The following MRPS25 variants were observed in gnomAD, a reference collection of about 807,000 sequenced individuals.
The protein encoded by MRPS25 is small ribosomal subunit protein mS25.
A neutral mutation model predicts 17.3 loss-of-function variants in MRPS25; 15 were observed. That is an observed-to-expected ratio of 0.87 (90% CI 0.58 to 1.34). MRPS25 has a LOEUF of 1.34. Ranked by LOEUF, MRPS25 falls within the 40% of genes most tolerant of loss-of-function variation. The probability of loss-of-function intolerance (pLI) is 0.00; values close to 1 mark genes in which losing one functional copy is unlikely to be tolerated. For missense variants in MRPS25, 225 were observed against 218.6 expected (o/e 1.03, Z -0.19); for synonymous variants, 94 against 83.3 (o/e 1.13, Z -0.70).
chr3:15,064,950 G>C (rs537208093), intron 1 of MRPS25, 111 bp downstream of exon 1: 1 of 1,381,526 alleles, frequency 7.2e-7, no homozygotes, highest in Non-Finnish European at 9.7e-7. Flanking sequence ...GACCTGGGGG[G>C]CCCGCCCCGG....
At chr3:15,057,398 C>T (rs1055025971) in intron 2 of MRPS25, among the ~76,000 whole-genome samples, 18 of 152,204 alleles carry the variant, frequency 1.2e-4, no homozygotes, top group African/African-American at 4.3e-4. Context: ...AAAGGGTCAT[C>T]AACAGGTAAG....
rs1368175434 is a variant in MRPS25 at position 15,048,637 on chromosome 3, T to C, written c.*3804A>G. On this transcript the variant is annotated 3_prime_UTR_variant, in exon 4 of 4. Coordinates refer to ENST00000253686, the MANE Select transcript of MRPS25 (RefSeq NM_022497.5). ...TTCTTTAGGAAAGTATAATCAATTA[T>C]TTTAATGACCATAGCATTCATGGAC... is the stretch of plus-strand genomic sequence containing the variant. The C allele has an allele frequency of 6.5e-6, 1 of 152,682 alleles. No individual in the cohort carries two copies. 9.5% of individuals were successfully genotyped at this position (152,682 alleles called of 1,614,324 possible).
chr3:15,050,882 A>G lies in MRPS25; in HGVS notation c.*1559T>C, dbSNP rs565585314. On this transcript the variant is annotated 3_prime_UTR_variant, in exon 4 of 4. Transcript: ENST00000253686. ...TCAATTTAATGTGATAATCTCCAACAGTTAATGAAACACATCGTAGTATGA... is the reference window on the plus strand; with the variant it reads ...TCAATTTAATGTGATAATCTCCAACGGTTAATGAAACACATCGTAGTATGA... 1 of 985,410 alleles carries G rather than the reference A, an allele frequency of 1.0e-6. No individual in the cohort carries two copies. Among genetic ancestry groups the G allele is most frequent in the Non-Finnish European group, 1.2e-6 (1 of 829,940 alleles). 61.0% of individuals were successfully genotyped at this position (985,410 alleles called of 1,614,324 possible).
At chr3:15,047,756 G>A (rs1432615687), downstream of MRPS25, 1 of 152,204 alleles carries the variant, frequency 6.6e-6, no homozygotes, top group Non-Finnish European at 1.5e-5. Context: ...GGATGTTGAT[G>A]GCTAACTTCT....
rs770721326 is a variant in MRPS25, at chr3:15,053,507, C to CA, written c.242-41dup. On this transcript the variant is annotated intron_variant, in intron 2 of 3. Coordinates refer to ENST00000253686, the MANE Select transcript of MRPS25 (RefSeq NM_022497.5). ...CACGGGGCAGAAGAGAAACAGAACT[C>CA]ACAGCGCACTCAGCCTCAAAAAGTT... 8.1e-6 allele frequency: 13 copies of CA among 1,613,346 alleles called. No homozygotes were observed. In the East Asian group the frequency reaches 2.7e-4, roughly 33 times the overall value.
chr3:15,065,078 C>CA lies in MRPS25; in HGVS notation c.116_117insT (p.Glu39AspfsTer30). The CA allele has an allele frequency of 6.2e-7, 1 of 1,600,054 alleles. No homozygotes were observed. Among genetic ancestry groups the CA allele is most frequent in the Non-Finnish European group, 8.5e-7 (1 of 1,174,536 alleles). On this transcript the variant is annotated frameshift_variant, in exon 1 of 4. Coordinates refer to ENST00000253686, the MANE Select transcript of MRPS25 (RefSeq NM_022497.5). LOFTEE classifies it high-confidence loss of function. ...CGACTGACCTGGCGCCCTCGCCCAGCTCCCCATGCGTGTTGTAATTCACTG... is the reference window on the plus strand; with the variant it reads ...CGACTGACCTGGCGCCCTCGCCCAGCATCCCCATGCGTGTTGTAATTCACTG...
intron 1 of MRPS25, among the ~76,000 whole-genome samples, chr3:15,060,158 T>C (rs2042731787): frequency 6.6e-6 from 1 of 152,058 alleles, no homozygotes; most frequent in African/African-American, 2.4e-5. Flanking sequence ...GAAGTAACAA[T>C]GGTGGTGAGA....
chr3:15,052,701 A>T, intron 3 of MRPS25, 68 bp from the exon 4 acceptor site: 1 of 1,513,262 alleles, frequency 6.6e-7, no homozygotes, highest in East Asian at 2.3e-5. Context: ...GCAGTTTCTC[A>T]GCCGAGACAA....
intron 1 of MRPS25, among the ~76,000 whole-genome samples, chr3:15,063,292 A>T (rs1043192785): frequency 1.3e-5 from 2 of 152,216 alleles, no homozygotes; most frequent in African/African-American, 4.8e-5. Context: ...CCACTTGTTC[A>T]GGGTAGAACA....
At chr3:15,042,771 T>C, downstream of MRPS25, 1 of 1,514,762 alleles carries the variant, frequency 6.6e-7, no homozygotes, top group Non-Finnish European at 9.0e-7. Flanking sequence ...CCAGGAGCCT[T>C]TGCTGAGCTG....
At chr3:15,043,087 G>GT, downstream of MRPS25, 6 of 1,392,358 alleles carry the variant, frequency 4.3e-6, no homozygotes, top group Non-Finnish European at 5.8e-6. Context: ...TGGTATTTTG[G>GT]TATGTGCAAA....
Position 15,052,468 on chromosome 3 carries a change from G to C in MRPS25, c.495C>G (p.Ala165=), listed in dbSNP as rs138779362. 20 of 1,613,874 alleles carry C rather than the reference G, an allele frequency of 1.2e-5. No homozygotes were observed. In the Admixed American group the frequency reaches 1.3e-4, roughly 11 times the overall value. Residue 165 remains alanine (A), a synonymous_variant, in exon 4 of 4, where the codon GCC becomes GCG. Coordinates refer to ENST00000253686, the MANE Select transcript of MRPS25 (RefSeq NM_022497.5). ...AGTCCTGGGCATCGGCTTTCAGAGC[G>C]GCTTTGTACTTCCCCCTCATCTCCT... is the stretch of plus-strand genomic sequence containing the variant. ...LPKEMRGKYK[A]ALKADAQD is the part of the protein sequence containing the mutation.
At chr3:15,063,407 TG>T (rs1185101326) in intron 1 of MRPS25, among the ~76,000 whole-genome samples, 1 of 152,066 alleles carries the variant, frequency 6.6e-6, no homozygotes, top group Non-Finnish European at 1.5e-5. Context: ...CGCAGGCACT[TG>T]GGATGGAGGT....
intron 1 of MRPS25, among the ~76,000 whole-genome samples, chr3:15,062,413 C>T (rs1393800791): frequency 3.3e-5 from 3 of 91,772 alleles, no homozygotes; most frequent in Admixed American, 2.9e-4. Context: ...CAGCCCCCCG[C>T]CCGGCCAGCC....
chr3:15,050,632 TGGA>T lies in MRPS25; in HGVS notation c.*1806_*1808del. 1.0e-6 allele frequency: 1 copy of T among 985,334 alleles called. No individual in the cohort carries two copies. Among genetic ancestry groups the T allele is most frequent in the Non-Finnish European group, 1.2e-6 (1 of 829,914 alleles). The allele number at this position is 985,334 out of a possible 1,614,324, so 61.0% of individuals were successfully genotyped here. On this transcript the variant is annotated 3_prime_UTR_variant, in exon 4 of 4. Coordinates refer to ENST00000253686, the MANE Select transcript of MRPS25 (RefSeq NM_022497.5). The stretch of plus-strand genomic sequence containing the variant: ...CCAGCAGACATGGGAGGGCTCTCTG[TGGA>T]GGAGAGCTTTTTCCACCCAGCCAAA...
At chr3:15,044,715 G>C (rs1202398732), downstream of MRPS25, 2 of 152,282 alleles carry the variant, frequency 1.3e-5, no homozygotes, top group African/African-American at 4.8e-5. Context: ...ATCTGGCTCA[G>C]GCTGGCGCCA....
downstream of MRPS25, chr3:15,047,256 T>G (rs1417733592): frequency 1.3e-5 from 2 of 152,362 alleles, no homozygotes; most frequent in East Asian, 3.8e-4. Context: ...CACTCCATTT[T>G]CCTTTGGGTG....
Position 15,052,313 on chromosome 3 carries a change from C to G in MRPS25, c.*128G>C, listed in dbSNP as rs2042615744. 6.8e-7 allele frequency: 1 copy of G among 1,476,248 alleles called. No homozygotes were observed. Among genetic ancestry groups the G allele is most frequent in the South Asian group, 1.4e-5 (1 of 70,596 alleles). 91.4% of individuals were successfully genotyped at this position (1,476,248 alleles called of 1,614,324 possible). A position where few individuals can be genotyped will look rare whatever the true frequency, so the allele number is the denominator to read the frequency against. ...TCCTTTTACACAGGTGTGTAAAGTCCTTTTAATGCAAAAGGATTTCCAGAG... is the reference window on the plus strand; with the variant it reads ...TCCTTTTACACAGGTGTGTAAAGTCGTTTTAATGCAAAAGGATTTCCAGAG... On this transcript the variant is annotated 3_prime_UTR_variant, in exon 4 of 4. Coordinates refer to ENST00000253686, the MANE Select transcript of MRPS25 (RefSeq NM_022497.5).
Position 15,052,208 on chromosome 3 carries a change from T to A in MRPS25, c.*233A>T. The A allele has an allele frequency of 2.4e-6, 3 of 1,262,996 alleles. No homozygotes were observed. The highest frequency in any genetic ancestry group is 3.0e-6 in the Non-Finnish European group (3 of 1,004,010). 78.2% of individuals were successfully genotyped at this position (1,262,996 alleles called of 1,614,324 possible). Reference sequence around the variant, plus strand: ...CACTAGGACCAGATACACGCCAAGCTGCTATTAGGAAGCGTTTTATTGACC... The same window carrying A: ...CACTAGGACCAGATACACGCCAAGCAGCTATTAGGAAGCGTTTTATTGACC... On this transcript the variant is annotated 3_prime_UTR_variant, in exon 4 of 4. Coordinates refer to ENST00000253686, the MANE Select transcript of MRPS25 (RefSeq NM_022497.5).
Sources: gnomAD v4.1 joint callset for allele counts (sites outside exome capture counted in the v4.1 genomes callset) on GRCh38, gnomAD v4.1.1 for gene constraint, MANE v1.5 for transcripts, NCBI Gene and HGNC (gene_info 2026-07-23, HGNC 2026-07-21) for gene names.